The following NKAIN3 variants were observed in gnomAD, a reference collection of about 807,000 sequenced individuals.
The protein encoded by NKAIN3 is sodium/potassium-transporting ATPase subunit beta-1-interacting protein 3.
A neutral mutation model predicts 30.2 loss-of-function variants in NKAIN3; 25 were observed. The ratio of observed to expected loss-of-function variants is 0.83; its 90% confidence interval spans 0.60 to 1.16. The LOEUF is 1.16. NKAIN3 is among the 50% of genes most tolerant of loss of function. The probability of loss-of-function intolerance (pLI) is 0.00; values close to 1 mark genes in which losing one functional copy is unlikely to be tolerated. For missense variants in NKAIN3, 225 were observed against 254.1 expected (o/e 0.89, Z 0.78); for synonymous variants, 91 against 89.6 (o/e 1.02, Z -0.09).
intron 4 of NKAIN3, among the ~76,000 whole-genome samples, chr8:62,853,250 T>G (rs914340337): frequency 5.3e-5 from 8 of 152,214 alleles, no homozygotes; most frequent in African/African-American, 1.9e-4. Context: ...GTTTAAAGTC[T>G]GTTTTATCAG....
intron 4 of NKAIN3, among the ~76,000 whole-genome samples, chr8:62,895,105 G>A (rs1326417960): frequency 6.6e-6 from 1 of 152,216 alleles, no homozygotes; most frequent in Non-Finnish European, 1.5e-5. Flanking sequence ...AAAGAATAAA[G>A]GAAGAAGGGA....
chr8:62,817,310 A>G (rs1345228981), intron 4 of NKAIN3, among the ~76,000 whole-genome samples: 2 of 152,148 alleles, frequency 1.3e-5, no homozygotes, highest in African/African-American at 2.4e-5. Context: ...TGTGTGTTCC[A>G]GTTGTTGATT....
At chr8:62,270,673 T>G (rs1011430710) in intron 1 of NKAIN3, among the ~76,000 whole-genome samples, 3 of 152,194 alleles carry the variant, frequency 2.0e-5, no homozygotes, top group Non-Finnish European at 2.9e-5. Context: ...TTATCCTGCC[T>G]TTCTAATTGG....
At chr8:62,865,070 TG>T (rs1820377230) in intron 4 of NKAIN3, among the ~76,000 whole-genome samples, 1 of 152,130 alleles carries the variant, frequency 6.6e-6, no homozygotes, top group African/African-American at 2.4e-5. Context: ...CGTTTTCTTC[TG>T]GAAAAAAATA....
chr8:62,556,941 A>T (rs935190657), intron 1 of NKAIN3, among the ~76,000 whole-genome samples: 9 of 151,692 alleles, frequency 5.9e-5, no homozygotes, highest in South Asian at 2.1e-4. Context: ...ATACTTTTAA[A>T]TTTTTTTTTA....
At chr8:62,564,948 G>A (rs748879811) in intron 1 of NKAIN3, among the ~76,000 whole-genome samples, 2 of 152,078 alleles carry the variant, frequency 1.3e-5, no homozygotes, top group African/African-American at 2.4e-5. Flanking sequence ...ATTTAATATT[G>A]TATGTTTCCA....
At chr8:62,528,309 ATATATATAT>A (rs1338480301) in intron 1 of NKAIN3, among the ~76,000 whole-genome samples, 2 of 120,442 alleles carry the variant, frequency 1.7e-5, no homozygotes, top group Non-Finnish European at 3.3e-5. Context: ...ATTATATTAT[ATATATATAT>A]TATATAATAT....
intron 4 of NKAIN3, among the ~76,000 whole-genome samples, chr8:62,850,956 T>C (rs1819875046): frequency 6.6e-6 from 1 of 152,062 alleles, no homozygotes; most frequent in African/African-American, 2.4e-5. Flanking sequence ...TTTGGTTCCA[T>C]ATGAACTTTA....
intron 5 of NKAIN3, among the ~76,000 whole-genome samples, chr8:62,989,931 A>G (rs1824285987): frequency 6.6e-6 from 1 of 152,130 alleles, no homozygotes; most frequent in South Asian, 2.1e-4. Context: ...GTTCATTCCC[A>G]TCAAACCTTT....
At chr8:62,775,682 T>A (rs1032409068) in intron 4 of NKAIN3, among the ~76,000 whole-genome samples, 2 of 152,096 alleles carry the variant, frequency 1.3e-5, no homozygotes, top group African/African-American at 4.8e-5. Context: ...GAGCCTGTCA[T>A]TAAATTTCCA....
At chr8:62,502,203 A>G (rs1178705934) in intron 1 of NKAIN3, among the ~76,000 whole-genome samples, 1 of 152,086 alleles carries the variant, frequency 6.6e-6, no homozygotes, top group Non-Finnish European at 1.5e-5. Flanking sequence ...CCTCCTATTG[A>G]CATATATATG....
chr8:62,774,767 A>T (rs1193826936), intron 4 of NKAIN3, among the ~76,000 whole-genome samples: 1 of 152,042 alleles, frequency 6.6e-6, no homozygotes, highest in Non-Finnish European at 1.5e-5. Flanking sequence ...CTTGGTTATG[A>T]TGAGAGATCT....
chr8:62,463,740 ACT>A (rs749227425), intron 1 of NKAIN3, among the ~76,000 whole-genome samples: 7 of 152,066 alleles, frequency 4.6e-5, no homozygotes, highest in Non-Finnish European at 1.0e-4. Flanking sequence ...ATAACACCAG[ACT>A]CTCTCTATAT....
At position 62,361,369 on chromosome 8, in the gene NKAIN3, TG is replaced by T. The variant is rs533290688; in HGVS notation, c.54+112243del. On this transcript the variant is annotated intron_variant, in intron 1 of 6. Coordinates refer to ENST00000623646, the MANE Select transcript of NKAIN3 (RefSeq NM_001304533.3). ...AAATTTATTTAGTTGTTTACTTCTT[TG>T]TGTGTTGGTATTTCCTTCCTTCCAC... 1.8e-4 allele frequency among the ~76,000 whole-genome samples: 27 copies of T among 152,360 alleles called. No homozygotes were observed. In the East Asian group the frequency reaches 5.2e-3, roughly 29 times the overall value.
chr8:62,629,416 C>T (rs1811887919), intron 3 of NKAIN3, among the ~76,000 whole-genome samples: 1 of 152,100 alleles, frequency 6.6e-6, no homozygotes, highest in Non-Finnish European at 1.5e-5. Context: ...ATGCCAGGCA[C>T]TGTTGTAGGC....
At chr8:62,916,555 G>A (rs4524782) in intron 4 of NKAIN3, among the ~76,000 whole-genome samples, 103,333 of 151,920 alleles carry the variant, frequency 0.68, 36,080 homozygotes, top group East Asian at 0.9. Flanking sequence ...GCTTTGTTCA[G>A]TCTCACCCTT....
intron 1 of NKAIN3, among the ~76,000 whole-genome samples, chr8:62,272,540 A>G (rs1211240073): frequency 6.6e-6 from 1 of 152,218 alleles, no homozygotes; most frequent in East Asian, 1.9e-4. Flanking sequence ...ACATTCAAAA[A>G]AGACTTCTTA....
At chr8:62,493,566 A>G (rs959698000) in intron 1 of NKAIN3, among the ~76,000 whole-genome samples, 10 of 152,142 alleles carry the variant, frequency 6.6e-5, no homozygotes, top group African/African-American at 2.2e-4. Flanking sequence ...GAAGAATGTC[A>G]TCAGTAATTT....
intron 1 of NKAIN3, among the ~76,000 whole-genome samples, chr8:62,321,402 T>C (rs1814898778): frequency 6.6e-6 from 1 of 152,184 alleles, no homozygotes; most frequent in Non-Finnish European, 1.5e-5. Context: ...GGAGGAAAGG[T>C]GCTCTGATTT....
Sources: allele counts gnomAD v4.1 joint callset (sites outside exome capture counted in the v4.1 genomes callset), GRCh38; gene constraint gnomAD v4.1.1; transcripts MANE v1.5; gene names NCBI Gene and HGNC (gene_info 2026-07-23, HGNC 2026-07-21).